Variants in PRCC observed in about 807,000 individuals in gnomAD.
The protein encoded by PRCC is proline rich mitotic checkpoint control factor, also known as proline-rich protein PRCC.
A neutral mutation model predicts 44.0 loss-of-function variants in PRCC; 10 were observed. The ratio of observed to expected loss-of-function variants is 0.23; its 90% CI spans 0.14 to 0.39. The LOEUF (loss-of-function observed/expected upper bound fraction) is 0.39, where lower values mean the gene tolerates loss of function less well. Among genes scored for constraint, PRCC ranks in the 10% least tolerant of loss-of-function variants. The probability of loss-of-function intolerance (pLI) is 1.00; values close to 1 mark genes in which losing one functional copy is unlikely to be tolerated. For synonymous variants in PRCC, 278 were observed against 259.5 expected, an observed-to-expected ratio of 1.07 and a Z score of -0.69; for missense variants, 573 against 624.7, an observed-to-expected ratio of 0.92 and a Z score of 0.88.
rs574640442 is a variant in PRCC, at chr1:156,794,917, T to A, written c.1323+109T>A. ...CCCATTGTTATTGTCACAGCACCTTTAGCAAACACATTTTGCCCATGGTAC... is the reference window on the plus strand; with the variant it reads ...CCCATTGTTATTGTCACAGCACCTTAAGCAAACACATTTTGCCCATGGTAC... On this transcript the variant is annotated intron_variant, in intron 5 of 6. Coordinates refer to ENST00000271526, the MANE Select transcript of PRCC (RefSeq NM_005973.5). 10 of 1,404,760 alleles carry A rather than the reference T, an allele frequency of 7.1e-6. No homozygotes were observed. The African/African-American group carries it at 1.1e-4, about 16-fold the overall frequency. 87.0% of individuals were successfully genotyped at this position (1,404,760 alleles called of 1,614,324 possible).
rs1652601455 is a variant in PRCC at position 156,794,766 on chromosome 1, T to C, written c.1281T>C (p.Thr427=). ...DQLSGAQQWM[T]KSLTEEKTMK... ...TCAGTGGGGCCCAGCAATGGATGAC[T>C]AAGTCATTGACAGAAGAGAAAACCA... Residue 427 remains threonine, a synonymous_variant, in exon 5 of 7, where the codon ACT becomes ACC. Coordinates refer to ENST00000271526, the MANE Select transcript of PRCC (RefSeq NM_005973.5). 2 of 1,614,194 alleles carry C rather than the reference T, an allele frequency of 1.2e-6. No homozygotes were observed. The highest frequency in any genetic ancestry group is 2.2e-5 in the South Asian group (2 of 91,076).
chr1:156,782,538 ATTACCT>A (rs1342292419), intron 2 of PRCC, among the ~76,000 whole-genome samples: 1 of 152,158 alleles, frequency 6.6e-6, no homozygotes, highest in Admixed American at 6.6e-5. Context: ...ACATGCTGGT[ATTACCT>A]TTCCTGGAAG....
chr1:156,795,285 G>GTTTTTTTTTTTTTGTTT lies in PRCC; in HGVS notation c.1323+490_1323+491insGTTTTTTTTTTTTTTTT, dbSNP rs1652623764. ...CTTCCAATTGTTTTCATTTTCTGGT[G>GTTTTTTTTTTTTTGTTT]TTTTTTTTTTTTTTTTTTTTTTTTC... On this transcript the variant is annotated intron_variant, in intron 5 of 6. Transcript: ENST00000271526. 4.7e-4 allele frequency among the ~76,000 whole-genome samples: 17 copies of GTTTTTTTTTTTTTGTTT among 36,064 alleles called. 2 individuals are homozygous for GTTTTTTTTTTTTTGTTT. The Admixed American group carries it at 7.1e-3, about 15-fold the overall frequency. The allele number at this position is 36,064 out of a possible 152,430, so 23.7% of individuals were successfully genotyped here.
At position 156,795,285 on chromosome 1, in the gene PRCC, G is replaced by GTTTTTTTTTTTTTTTTTTTTTTTT. The variant is rs35911411; in HGVS notation, c.1323+478_1323+501dup. Among the ~76,000 whole-genome samples the GTTTTTTTTTTTTTTTTTTTTTTTT allele has an allele frequency of 3.1e-4, 11 of 36,060 alleles. 3 individuals are homozygous for GTTTTTTTTTTTTTTTTTTTTTTTT. Among genetic ancestry groups the GTTTTTTTTTTTTTTTTTTTTTTTT allele is most frequent in the African/African-American group, 5.6e-4 (4 of 7,174 alleles). 23.7% of individuals were successfully genotyped at this position (36,060 alleles called of 152,430 possible). A position where few individuals can be genotyped will look rare whatever the true frequency, so the allele number is the denominator to read the frequency against. ...CTTCCAATTGTTTTCATTTTCTGGT[G>GTTTTTTTTTTTTTTTTTTTTTTTT]TTTTTTTTTTTTTTTTTTTTTTTTC... is the stretch of plus-strand genomic sequence containing the variant. On this transcript the variant is annotated intron_variant, in intron 5 of 6. Transcript: ENST00000271526.
In PRCC at chr1:156,786,911, G is replaced by A. The variant is rs547571520; in HGVS notation, c.820G>A (p.Glu274Lys). 2.4e-5 allele frequency: 39 copies of A among 1,614,182 alleles called. No homozygotes were observed. The South Asian group carries it at 3.4e-4, about 14-fold the overall frequency. The change falls in exon 3 of 7, where the codon GAA becomes AAA. Residue 274 changes from glutamate to lysine, a missense_variant. Transcript: ENST00000271526. ...CGACAGTGATGAGGAAGTAGCCCCC[G>A]AAAACTTTTTCTCCCTCCCTGAAAA... Reference protein sequence around the residue: ...EDDSDEEVAPENFFSLPEKAE... With the variant: ...EDDSDEEVAPKNFFSLPEKAE...
In PRCC at chr1:156,797,330, CTTAT is replaced by C; in HGVS notation, c.1380_1383del (p.His462ArgfsTer9). On this transcript the variant is annotated frameshift_variant, in exon 6 of 7. Coordinates refer to ENST00000271526, the MANE Select transcript of PRCC (RefSeq NM_005973.5). LOFTEE classifies it high-confidence loss of function. ...GCGGCGGAAACACCAGATCACATAT[CTTAT>C]TCATCAGGTGAGAGACAGCTGAGGG... is the stretch of plus-strand genomic sequence containing the variant. 1 of 1,614,204 alleles carries C rather than the reference CTTAT, an allele frequency of 6.2e-7. No individual in the cohort carries two copies. The highest frequency in any genetic ancestry group is 8.5e-7 in the Non-Finnish European group (1 of 1,180,032).
rs780837963 is a variant in PRCC at position 156,787,201 on chromosome 1, G to A, written c.1083+27G>A. ...TGGGTAGGAGGCACAGAGGGCAGGC[G>A]AGGGAATGTTGGAACATGGTGGTCA... On this transcript the variant is annotated intron_variant, in intron 3 of 6. Transcript: ENST00000271526. The A allele has an allele frequency of 3.8e-6, 6 of 1,565,480 alleles. No individual in the cohort carries two copies. In the South Asian group the frequency reaches 4.7e-5, roughly 12 times the overall value.
intron 1 of PRCC, among the ~76,000 whole-genome samples, chr1:156,778,473 A>T (rs1354963463): frequency 6.6e-6 from 1 of 152,174 alleles, no homozygotes; most frequent in Non-Finnish European, 1.5e-5. Flanking sequence ...GGCTACTGTG[A>T]ATAATGCTAC....
intron 1 of PRCC, 138 bp from the exon 2 acceptor site, chr1:156,782,144 G>T (rs1257400782): frequency 6.3e-6 from 4 of 631,474 alleles, no homozygotes; most frequent in Non-Finnish European, 1.1e-5. Context: ...CTGGGCCTGG[G>T]GTGAGTGTAC....
At chr1:156,777,186 T>A (rs1651858773) in intron 1 of PRCC, among the ~76,000 whole-genome samples, 1 of 152,126 alleles carries the variant, frequency 6.6e-6, no homozygotes, top group Non-Finnish European at 1.5e-5. Context: ...TTGTGCTTCA[T>A]GCTCTCTCAG....
chr1:156,791,769 G>C lies in PRCC; in HGVS notation c.1156G>C (p.Ala386Pro). ...LVPPQEIAPD[A>P]SFIDDEAFKR... is the part of the protein sequence containing the mutation. ...CCCCCCCCAGGAAATTGCCCCAGAT[G>C]CCTCCTTCATCGATGACGAAGCAGT... The change falls in exon 4 of 7, where the codon GCC (alanine) becomes CCC (proline). Residue 386 changes from alanine (A) to proline (P), a missense_variant. This residue lies in a region of PRCC where 69 missense variants were observed against 139.3 expected (regional missense o/e 0.50). Transcript: ENST00000271526. 7.4e-6 allele frequency: 12 copies of C among 1,613,790 alleles called. No homozygotes were observed. The highest frequency in any genetic ancestry group is 9.3e-6 in the Non-Finnish European group (11 of 1,179,946).
chr1:156,777,516 T>G (rs1182917194), intron 1 of PRCC, among the ~76,000 whole-genome samples: 1 of 151,834 alleles, frequency 6.6e-6, no homozygotes, highest in Non-Finnish European at 1.5e-5. Context: ...TGGATTTCCC[T>G]TACGGGTTAA....
At position 156,784,239 on chromosome 1, in the gene PRCC, G is replaced by A. The variant is rs73002763; in HGVS notation, c.516+1910G>A. 7.4e-3 allele frequency among the ~76,000 whole-genome samples: 1,130 copies of A among 152,210 alleles called. 8 individuals are homozygous for A. The highest frequency in any genetic ancestry group is 0.026 in the African/African-American group (1,065 of 41,510). ...TGAAATTATAGGCGTGAGCCACCGC[G>A]CCCGGCCCTGGTGTTTGTATTTATA... On this transcript the variant is annotated intron_variant, in intron 2 of 6. Coordinates refer to ENST00000271526, the MANE Select transcript of PRCC (RefSeq NM_005973.5).
chr1:156,795,980 T>C (rs1049153731), intron 5 of PRCC: 1 of 152,240 alleles, frequency 6.6e-6, no homozygotes, highest in African/African-American at 2.4e-5. Flanking sequence ...CTTTGTTCTA[T>C]GGCCACAGAT....
intron 1 of PRCC, among the ~76,000 whole-genome samples, chr1:156,776,627 G>A (rs1651838897): frequency 6.6e-6 from 1 of 152,296 alleles, no homozygotes; most frequent in Admixed American, 6.5e-5. Flanking sequence ...CAGTCTTACA[G>A]TAGCCACTTT....
rs376710847 is a variant in PRCC at position 156,797,243 on chromosome 1, G to A, written c.1324-33G>A. On this transcript the variant is annotated intron_variant, in intron 5 of 6. Transcript: ENST00000271526. ...CATGAGAAACTTCTGCTTTCATCCTGTGGATTAATGAATATGTTTTCTTCT... is the reference window on the plus strand; with the variant it reads ...CATGAGAAACTTCTGCTTTCATCCTATGGATTAATGAATATGTTTTCTTCT... The A allele has an allele frequency of 1.9e-5, 31 of 1,613,724 alleles. No individual in the cohort carries two copies. In the African/African-American group the frequency reaches 3.3e-4, roughly 17 times the overall value.
intron 3 of PRCC, among the ~76,000 whole-genome samples, chr1:156,790,542 G>C (rs1652439098): frequency 6.6e-6 from 1 of 152,256 alleles, no homozygotes; most frequent in Non-Finnish European, 1.5e-5. Context: ...AGAATCGCTT[G>C]AACCCAGGAG....
At chr1:156,772,678 A>G (rs1651676208) in intron 1 of PRCC, among the ~76,000 whole-genome samples, 1 of 152,262 alleles carries the variant, frequency 6.6e-6, no homozygotes, top group Admixed American at 6.5e-5. Flanking sequence ...TTACCAAGAT[A>G]GTAGAAAATT....
chr1:156,768,151 G>T lies in PRCC; in HGVS notation c.380G>T (p.Gly127Val). 6.4e-7 allele frequency: 1 copy of T among 1,558,820 alleles called. No homozygotes were observed. The highest frequency in any genetic ancestry group is 8.7e-7 in the Non-Finnish European group (1 of 1,151,580). ...GGCCTCAATCTGCCCCCTCCAATTG[G>T]CGGTGCCGGTCCCCCGCTGGGGCTT... ...GPGLNLPPPIGGAGPPLGLPK... is the reference protein window; with the variant it reads ...GPGLNLPPPIVGAGPPLGLPK... The change falls in exon 1 of 7, where the codon GGC becomes GTC. Residue 127 changes from glycine (G) to valine (V), a missense_variant. Gly to Val is a moderately radical substitution (Grantham distance 109, BLOSUM62 -3). Coordinates refer to ENST00000271526, the MANE Select transcript of PRCC (RefSeq NM_005973.5).
Sources: gnomAD v4.1 joint callset for allele counts (sites outside exome capture counted in the v4.1 genomes callset) on GRCh38, gnomAD v4.1.1 for gene constraint, gnomAD v4.1.1 regional missense constraint, MANE v1.5 for transcripts, NCBI Gene and HGNC (gene_info 2026-07-23, HGNC 2026-07-21) for gene names.